STXBP4: variants seen among roughly 807,000 people sequenced by gnomAD.
STXBP4 encodes syntaxin-binding protein 4.
A neutral mutation model predicts 76.1 loss-of-function variants in STXBP4; 55 were observed. The observed-to-expected ratio is 0.72, with a 90% CI of 0.58 to 0.91. The LOEUF (loss-of-function observed/expected upper bound fraction) is 0.91, where lower values mean the gene tolerates loss of function less well. STXBP4 is among the 40% of genes least tolerant of loss of function. The pLI, the probability that STXBP4 is intolerant of heterozygous loss-of-function variation, is 0.00. For synonymous variants in STXBP4, 201 were observed against 220.2 expected (o/e 0.91, Z 0.77); for missense variants, 618 against 636.9 (o/e 0.97, Z 0.32).
intron 12 of STXBP4, among the ~76,000 whole-genome samples, chr17:55,058,125 G>A (rs1302970795): frequency 6.6e-6 from 1 of 152,096 alleles, no homozygotes. Flanking sequence ...TTGAGGAATC[G>A]CCACACTGTC....
intron 17 of STXBP4, among the ~76,000 whole-genome samples, chr17:55,159,322 A>G (rs2080314897): frequency 6.6e-6 from 1 of 152,232 alleles, no homozygotes; most frequent in Admixed American, 6.5e-5. Flanking sequence ...AAAACAAAGT[A>G]TTTCATTGAA....
chr17:55,099,208 G>A (rs2079534116), intron 16 of STXBP4, among the ~76,000 whole-genome samples: 1 of 152,152 alleles, frequency 6.6e-6, no homozygotes, highest in Admixed American at 6.5e-5. Context: ...CAGTCTAACT[G>A]TGTCTCTAGG....
At chr17:55,209,359 G>A in the STXBP4 span, among the ~76,000 whole-genome samples, 1 of 152,074 alleles carries the variant, frequency 6.6e-6, no homozygotes, top group African/African-American at 2.4e-5. Context: ...CTAGAACCAG[G>A]TCAGAGGCAG....
chr17:55,006,793 T>C (rs1216408801), intron 7 of STXBP4, among the ~76,000 whole-genome samples: 1 of 152,212 alleles, frequency 6.6e-6, no homozygotes, highest in Non-Finnish European at 1.5e-5. Context: ...ATGACTTGCA[T>C]TTATGGTTTT....
intron 16 of STXBP4, among the ~76,000 whole-genome samples, chr17:55,131,709 G>A (rs553617063): frequency 1.3e-5 from 2 of 152,140 alleles, no homozygotes; most frequent in South Asian, 2.1e-4. Flanking sequence ...ATTCATGTTC[G>A]ACAGCCACTG....
intron 8 of STXBP4, among the ~76,000 whole-genome samples, chr17:55,009,020 A>G (rs1808301825): frequency 6.6e-6 from 1 of 152,154 alleles, no homozygotes; most frequent in Non-Finnish European, 1.5e-5. Context: ...ACTTACCTTC[A>G]CTTTTTGGTG....
downstream of STXBP4, among the ~76,000 whole-genome samples, chr17:55,178,605 A>G (rs985651431): frequency 1.3e-5 from 2 of 152,236 alleles, no homozygotes; most frequent in African/African-American, 4.8e-5. Context: ...TTTTATACAT[A>G]TAAGGAGATT....
chr17:55,043,264 A>T lies in STXBP4; in HGVS notation c.884A>T (p.Asp295Val). 2.0e-6 allele frequency: 3 copies of T among 1,533,948 alleles called. No homozygotes were observed. Among genetic ancestry groups the T allele is most frequent in the Middle Eastern group, 1.8e-4 (1 of 5,696 alleles). Residue 295 changes from aspartate to valine, a missense_variant, in exon 11 of 18, where the codon GAT becomes GTT. Physicochemically the swap from Asp to Val is radical, Grantham distance 152. Coordinates refer to ENST00000376352, the MANE Select transcript of STXBP4 (RefSeq NM_178509.6). The part of the protein sequence containing the change: ...QLLPCDSSEA[D>V]EMERLKCERD... ...CTTCCTTGTGATTCTTCAGAAGCAG[A>T]TGAAATGGAAAGGCTCAAGTGTGAA...
At chr17:55,072,254 C>G (rs1053173208) in intron 12 of STXBP4, among the ~76,000 whole-genome samples, 4 of 152,150 alleles carry the variant, frequency 2.6e-5, no homozygotes, top group Non-Finnish European at 5.9e-5. Flanking sequence ...TTAGTAATGT[C>G]TTTCTCTCAA....
At chr17:55,018,908 C>T (rs1026067413) in intron 8 of STXBP4, among the ~76,000 whole-genome samples, 3 of 152,194 alleles carry the variant, frequency 2.0e-5, no homozygotes, top group Non-Finnish European at 2.9e-5. Flanking sequence ...TGGATGTATA[C>T]GTGCAGGTCA....
chr17:55,179,081 G>A, the STXBP4 span, among the ~76,000 whole-genome samples: 29 of 151,840 alleles, frequency 1.9e-4, no homozygotes, highest in African/African-American at 7.0e-4. Flanking sequence ...TTTTACATCT[G>A]TCTAGCCCTT....
At chr17:55,093,485 C>G (rs1962615422) in intron 16 of STXBP4, among the ~76,000 whole-genome samples, 1 of 152,140 alleles carries the variant, frequency 6.6e-6, no homozygotes, top group Non-Finnish European at 1.5e-5. Context: ...TAAAACAGCC[C>G]TGTTCTCTGG....
intron 17 of STXBP4, among the ~76,000 whole-genome samples, chr17:55,146,554 A>T (rs776019473): frequency 2.3e-4 from 35 of 152,134 alleles, no homozygotes; most frequent in Non-Finnish European, 4.6e-4. Context: ...TACTAAAAAA[A>T]ATACAAAAAA....
chr17:55,030,973 T>G, intron 8 of STXBP4, 195 bp from the exon 9 acceptor site: 1 of 467,802 alleles, frequency 2.1e-6, no homozygotes, highest in Non-Finnish European at 3.9e-6. Flanking sequence ...GGGGAAAAAA[T>G]GAGGTAGTAG....
At chr17:55,199,697 C>A in the STXBP4 span, among the ~76,000 whole-genome samples, 2 of 152,156 alleles carry the variant, frequency 1.3e-5, no homozygotes, top group Non-Finnish European at 2.9e-5. Flanking sequence ...AACTAGAATT[C>A]TAATGCAAGA....
At chr17:55,192,010 G>A in the STXBP4 span, among the ~76,000 whole-genome samples, 1 of 152,124 alleles carries the variant, frequency 6.6e-6, no homozygotes, top group Admixed American at 6.6e-5. Flanking sequence ...TTATTATAAA[G>A]GATATAACTC....
At chr17:54,984,310 A>G (rs866159527) in intron 1 of STXBP4, among the ~76,000 whole-genome samples, 29 of 142,160 alleles carry the variant, frequency 2.0e-4, no homozygotes, top group Middle Eastern at 3.7e-3. Context: ...TGAGTCTTCA[A>G]TTTCTCTGGG....
At chr17:55,150,056 G>A (rs537215960) in intron 17 of STXBP4, among the ~76,000 whole-genome samples, 1 of 152,154 alleles carries the variant, frequency 6.6e-6, no homozygotes, top group East Asian at 1.9e-4. Flanking sequence ...ACCTTTCTGA[G>A]GGTTAATACT....
chr17:55,017,582 G>A (rs1005770690), intron 8 of STXBP4, among the ~76,000 whole-genome samples: 2 of 152,340 alleles, frequency 1.3e-5, no homozygotes, highest in African/African-American at 4.8e-5. Context: ...CAAGAAAGTC[G>A]TGGTCGGGAC....
Sources: allele counts gnomAD v4.1 joint callset (sites outside exome capture counted in the v4.1 genomes callset), GRCh38; gene constraint gnomAD v4.1.1; transcripts MANE v1.5; gene names NCBI Gene and HGNC (gene_info 2026-07-23, HGNC 2026-07-21).